Variants in OPCML observed in about 807,000 individuals in gnomAD.
The protein encoded by OPCML is opioid-binding protein/cell adhesion molecule.
A neutral mutation model predicts 37.8 loss-of-function variants in OPCML; 13 were observed. The ratio of observed to expected loss-of-function variants is 0.34; its 90% CI spans 0.22 to 0.55. OPCML has a LOEUF of 0.55. OPCML is among the 20% of genes least tolerant of loss of function. OPCML has a pLI of 0.91. For missense variants in OPCML, 341 were observed against 435.6 expected, an observed-to-expected ratio of 0.78 and a Z score of 1.93; for synonymous variants, 176 against 168.8, an observed-to-expected ratio of 1.04 and a Z score of -0.33.
chr11:132,865,728 T>A (rs1337559518), intron 2 of OPCML, among the ~76,000 whole-genome samples: 1 of 152,204 alleles, frequency 6.6e-6, no homozygotes, highest in Non-Finnish European at 1.5e-5. Context: ...CATGGCCTGC[T>A]GTCATGACGA....
intron 1 of OPCML, among the ~76,000 whole-genome samples, chr11:133,215,560 A>G (rs1939550364): frequency 6.6e-6 from 1 of 152,106 alleles, no homozygotes; most frequent in Non-Finnish European, 1.5e-5. Flanking sequence ...ATACCTTTAG[A>G]TTGGTGAAAA....
chr11:132,648,040 C>A (rs1356011779), intron 3 of OPCML, among the ~76,000 whole-genome samples: 3 of 152,100 alleles, frequency 2.0e-5, no homozygotes, highest in Non-Finnish European at 4.4e-5. Flanking sequence ...AAACCAGGTT[C>A]GGAAATGCAA....
intron 1 of OPCML, among the ~76,000 whole-genome samples, chr11:133,032,799 C>T (rs1180855121): frequency 6.6e-6 from 1 of 152,164 alleles, no homozygotes; most frequent in Non-Finnish European, 1.5e-5. Context: ...TGGTACAACT[C>T]AAAGACTCTA....
intron 2 of OPCML, among the ~76,000 whole-genome samples, chr11:132,806,159 G>A (rs930333460): frequency 6.6e-6 from 1 of 151,876 alleles, no homozygotes; most frequent in African/African-American, 2.4e-5. Context: ...TAAAAATACT[G>A]GATTAACATA....
At chr11:133,402,584 T>G (rs116728791) in intron 1 of OPCML, among the ~76,000 whole-genome samples, 2,699 of 152,208 alleles carry the variant, frequency 0.018, 89 homozygotes, top group African/African-American at 0.062. Flanking sequence ...CCAAGAAATA[T>G]TTTCCCATTT....
intron 1 of OPCML, among the ~76,000 whole-genome samples, chr11:133,274,223 G>A (rs1051967450): frequency 6.6e-6 from 1 of 152,162 alleles, no homozygotes; most frequent in Non-Finnish European, 1.5e-5. Context: ...TCCCAGAAAA[G>A]CTGTGTTGAA....
At chr11:132,604,856 T>C (rs1938169865) in intron 3 of OPCML, among the ~76,000 whole-genome samples, 1 of 152,206 alleles carries the variant, frequency 6.6e-6, no homozygotes, top group Non-Finnish European at 1.5e-5. Flanking sequence ...GAAGCATTGA[T>C]GGCCTGTAAG....
chr11:133,303,243 T>C (rs73600468), intron 1 of OPCML, among the ~76,000 whole-genome samples: 7,387 of 152,076 alleles, frequency 0.049, 203 homozygotes, highest in Middle Eastern at 0.071. Context: ...GGAAAGACAA[T>C]TAAGACACAG....
In OPCML at chr11:133,019,179, TAA is replaced by T. The variant is rs1947401723; in HGVS notation, c.62-76171_62-76170del. Among the ~76,000 whole-genome samples, 3 of 152,178 alleles carry T rather than the reference TAA, an allele frequency of 2.0e-5. No homozygotes were observed. The South Asian group carries it at 6.2e-4, about 32-fold the overall frequency. ...TTGGTTGCCTTTTGAAAAGCCAGGC[TAA>T]GAAGAACCCAAGTAGTGGACTCCCA... On this transcript the variant is annotated intron_variant, in intron 1 of 7. Transcript: ENST00000524381.
intron 4 of OPCML, among the ~76,000 whole-genome samples, chr11:132,487,409 A>G (rs998176827): frequency 6.6e-6 from 1 of 152,096 alleles, no homozygotes. Flanking sequence ...GGGCCAACCC[A>G]CTTTTCTTCA....
Position 133,174,942 on chromosome 11 carries a change from A to C in OPCML, c.62-231932T>G, listed in dbSNP as rs765923959. Reference sequence around the variant, plus strand: ...CAAAGTGAGACTCCTGTCTCTACAAAAAATTTTTAAAAAGTAACTGTACAT... The same window carrying C: ...CAAAGTGAGACTCCTGTCTCTACAACAAATTTTTAAAAAGTAACTGTACAT... On this transcript the variant is annotated intron_variant, in intron 1 of 7. Transcript: ENST00000524381. The surrounding 1 kb of genome is among the most constrained non-coding windows in gnomAD (Gnocchi z 4.6). Among the ~76,000 whole-genome samples the C allele has an allele frequency of 2.6e-5, 4 of 152,210 alleles. No individual in the cohort carries two copies. Among genetic ancestry groups the C allele is most frequent in the African/African-American group, 4.8e-5 (2 of 41,452 alleles).
intron 1 of OPCML, among the ~76,000 whole-genome samples, chr11:133,394,940 G>C (rs1250242175): frequency 6.6e-6 from 1 of 152,158 alleles, no homozygotes; most frequent in Non-Finnish European, 1.5e-5. Context: ...GTTTTCTGAG[G>C]AACTTCCAAA....
intron 2 of OPCML, among the ~76,000 whole-genome samples, chr11:132,711,923 C>G (rs915751717): frequency 4.6e-5 from 7 of 152,146 alleles, no homozygotes; most frequent in African/African-American, 1.4e-4. Flanking sequence ...ACTTAAGGAG[C>G]AAATATTCAA....
At chr11:132,961,375 T>C (rs1946089948) in intron 1 of OPCML, among the ~76,000 whole-genome samples, 1 of 152,176 alleles carries the variant, frequency 6.6e-6, no homozygotes, top group Admixed American at 6.5e-5. Flanking sequence ...GAGCCCAAGA[T>C]ATAAACAAAT....
At chr11:132,632,004 G>A (rs1940161946) in intron 3 of OPCML, among the ~76,000 whole-genome samples, 1 of 151,992 alleles carries the variant, frequency 6.6e-6, no homozygotes, top group Non-Finnish European at 1.5e-5. Context: ...TTTTCAGCTG[G>A]GTAACGAAAC....
chr11:133,010,377 CA>C (rs1428338486), intron 1 of OPCML, among the ~76,000 whole-genome samples: 1 of 152,192 alleles, frequency 6.6e-6, no homozygotes, highest in African/African-American at 2.4e-5. Context: ...AATGAATGTG[CA>C]AATCCTAAAT....
chr11:133,124,085 G>A (rs1949461391), intron 1 of OPCML, among the ~76,000 whole-genome samples: 1 of 152,076 alleles, frequency 6.6e-6, no homozygotes, highest in South Asian at 2.1e-4. Context: ...GTACCCAATG[G>A]AGAGAAGGAA....
intron 1 of OPCML, among the ~76,000 whole-genome samples, chr11:133,012,703 C>T (rs551998004): frequency 6.6e-6 from 1 of 151,900 alleles, no homozygotes; most frequent in South Asian, 2.1e-4. Context: ...TGGAGAAACC[C>T]CATCTCTACT....
At chr11:133,371,476 G>A (rs1232519391) in intron 1 of OPCML, among the ~76,000 whole-genome samples, 1 of 152,122 alleles carries the variant, frequency 6.6e-6, no homozygotes, top group East Asian at 1.9e-4. Flanking sequence ...ACGTGTTGAG[G>A]GAGGGAACTG....
Sources: allele counts gnomAD v4.1 joint callset (sites outside exome capture counted in the v4.1 genomes callset), GRCh38; gene constraint gnomAD v4.1.1; non-coding constraint Gnocchi (gnomAD v3.1); transcripts MANE v1.5; gene names NCBI Gene and HGNC (gene_info 2026-07-23, HGNC 2026-07-21).